Variants in WWC1 observed in about 807,000 individuals in gnomAD.
WWC1 encodes the protein WW and C2 domain containing 1, also known as protein KIBRA.
Under a neutral mutation model 138.4 loss-of-function variants are expected in WWC1, and 55 were observed. That is an observed-to-expected ratio of 0.40 (90% confidence interval 0.32 to 0.50). The LOEUF (loss-of-function observed/expected upper bound fraction) is 0.50, where lower values mean the gene tolerates loss of function less well. Ranked by LOEUF, WWC1 falls within the 20% of genes least tolerant of loss-of-function variation. The probability of loss-of-function intolerance (pLI) is 0.72; values close to 1 mark genes in which losing one functional copy is unlikely to be tolerated. For synonymous variants in WWC1, 524 were observed against 564.9 expected, an observed-to-expected ratio of 0.93 and a Z score of 1.03; for missense variants, 1,226 against 1,420.4, an observed-to-expected ratio of 0.86 and a Z score of 2.20.
chr5:168,332,615 G>A lies in WWC1; in HGVS notation c.120-38809G>A, dbSNP rs1449319700. ...GCACACTGGAAATATTAACTTCCCTGTAACTTAAGGGTTTGCATAGTAGGT... is the reference window on the plus strand; with the variant it reads ...GCACACTGGAAATATTAACTTCCCTATAACTTAAGGGTTTGCATAGTAGGT... On this transcript the variant is annotated intron_variant, in intron 1 of 22. Coordinates refer to ENST00000265293, the MANE Select transcript of WWC1 (RefSeq NM_015238.3). Among the ~76,000 whole-genome samples the A allele has an allele frequency of 9.2e-5, 14 of 152,182 alleles. 1 individual carries two copies. The highest frequency in any genetic ancestry group is 9.2e-4 in the Admixed American group (14 of 15,282).
intron 17 of WWC1, among the ~76,000 whole-genome samples, chr5:168,450,468 C>T (rs1233292535): frequency 1.3e-5 from 2 of 152,090 alleles, no homozygotes; most frequent in African/African-American, 4.8e-5. Context: ...GAGATCAAGA[C>T]CATCCTGGCC....
At chr5:168,352,087 C>T (rs1296438200) in intron 1 of WWC1, among the ~76,000 whole-genome samples, 1 of 152,186 alleles carries the variant, frequency 6.6e-6, no homozygotes, top group Non-Finnish European at 1.5e-5. Context: ...CGGTCAGGAG[C>T]ATCCAATGAG....
chr5:168,348,868 A>G (rs968422325), intron 1 of WWC1, among the ~76,000 whole-genome samples: 2 of 151,976 alleles, frequency 1.3e-5, no homozygotes, highest in Non-Finnish European at 2.9e-5. Context: ...TCTGATGGAA[A>G]AGTTCCTGAG....
At position 168,293,944 on chromosome 5, in the gene WWC1, T is replaced by C. The variant is rs77836382; in HGVS notation, c.119+1673T>C. ...TCGGGTCAGTTGCCAGCTCTGCTACTGTGTTGGTGAACTTGGCAGCACCTT... is the reference window on the plus strand; with the variant it reads ...TCGGGTCAGTTGCCAGCTCTGCTACCGTGTTGGTGAACTTGGCAGCACCTT... On this transcript the variant is annotated intron_variant, in intron 1 of 22. Coordinates refer to ENST00000265293, the MANE Select transcript of WWC1 (RefSeq NM_015238.3). Among the ~76,000 whole-genome samples, 287 of 152,332 alleles carry C rather than the reference T, an allele frequency of 1.9e-3. 3 individuals are homozygous for C. Among genetic ancestry groups the C allele is most frequent in the South Asian group, 9.7e-3 (47 of 4,828 alleles).
At chr5:168,385,166 G>C (rs1004272041) in intron 2 of WWC1, 45 bp from the exon 3 acceptor site, 4 of 1,606,602 alleles carry the variant, frequency 2.5e-6, no homozygotes, top group Middle Eastern at 1.7e-4. Flanking sequence ...CAGCCCAACA[G>C]ATATTTGTGA....
chr5:168,384,710 A>ATTT (rs1777904571), intron 2 of WWC1, among the ~76,000 whole-genome samples: 2 of 101,920 alleles, frequency 2.0e-5, no homozygotes, highest in African/African-American at 7.5e-5. Flanking sequence ...ATCCTGGTTT[A>ATTT]TTCTTTTTTT....
At chr5:168,359,494 G>T (rs1775720763) in intron 1 of WWC1, among the ~76,000 whole-genome samples, 1 of 152,122 alleles carries the variant, frequency 6.6e-6, no homozygotes, top group South Asian at 2.1e-4. Flanking sequence ...TTTACCTATT[G>T]ATGGACATAT....
intron 16 of WWC1, among the ~76,000 whole-genome samples, chr5:168,442,829 T>A (rs1754903791): frequency 7.0e-6 from 1 of 143,588 alleles, no homozygotes; most frequent in East Asian, 2.0e-4. Context: ...AGAGCAAGAC[T>A]CCATCTCAGA....
intron 1 of WWC1, among the ~76,000 whole-genome samples, chr5:168,339,837 T>TTTCTTTC (rs1561630184): frequency 1.7e-5 from 2 of 119,102 alleles, no homozygotes; most frequent in African/African-American, 9.5e-5. Flanking sequence ...TTTCTTTTTC[T>TTTCTTTC]TTTCTTTCTT....
chr5:168,454,231 G>C, intron 18 of WWC1, 131 bp downstream of exon 18: 2 of 1,378,824 alleles, frequency 1.5e-6, no homozygotes, highest in East Asian at 2.4e-5. Flanking sequence ...TCATAATGGA[G>C]TGGCCTTTGG....
At chr5:168,409,669 T>C (rs1780076441) in intron 7 of WWC1, among the ~76,000 whole-genome samples, 1 of 152,210 alleles carries the variant, frequency 6.6e-6, no homozygotes, top group Admixed American at 6.5e-5. Flanking sequence ...GGCTGCAAGA[T>C]GATATTCTGG....
At chr5:168,334,941 G>A (rs995890219) in intron 1 of WWC1, among the ~76,000 whole-genome samples, 2 of 152,148 alleles carry the variant, frequency 1.3e-5, no homozygotes, top group South Asian at 4.1e-4. Context: ...ATGTAAACTG[G>A]GCCCAGAGGC....
chr5:168,334,860 G>A (rs1773327605), intron 1 of WWC1, among the ~76,000 whole-genome samples: 1 of 152,244 alleles, frequency 6.6e-6, no homozygotes, highest in African/African-American at 2.4e-5. Context: ...CTGGAGCCCA[G>A]CTGAAGAAGC....
intron 21 of WWC1, among the ~76,000 whole-genome samples, chr5:168,465,575 T>TTTTTTTTG (rs1757212531): frequency 6.9e-6 from 1 of 144,786 alleles, no homozygotes; most frequent in Non-Finnish European, 1.5e-5. Context: ...TTTTTTTTTT[T>TTTTTTTTG]TGGAGATGGG....
intron 1 of WWC1, among the ~76,000 whole-genome samples, chr5:168,313,042 A>G (rs1161499993): frequency 1.3e-5 from 2 of 151,836 alleles, no homozygotes; most frequent in Non-Finnish European, 2.9e-5. Flanking sequence ...TCCTGACCTC[A>G]AGTGATTCAC....
intron 2 of WWC1, among the ~76,000 whole-genome samples, chr5:168,381,755 G>C (rs1252033548): frequency 1.4e-5 from 2 of 142,920 alleles, no homozygotes; most frequent in African/African-American, 5.2e-5. Flanking sequence ...TGGGGTTCAG[G>C]CTTTTTTTTT....
chr5:168,331,988 A>G (rs1035929907), intron 1 of WWC1, among the ~76,000 whole-genome samples: 3 of 152,014 alleles, frequency 2.0e-5, no homozygotes, highest in Non-Finnish European at 4.4e-5. Flanking sequence ...TCTACTAAAC[A>G]TACAAAAATT....
intron 1 of WWC1, among the ~76,000 whole-genome samples, chr5:168,363,453 A>G (rs1443692891): frequency 7.4e-6 from 1 of 134,404 alleles, no homozygotes; most frequent in Non-Finnish European, 1.5e-5. Context: ...GAACCCTGGG[A>G]GGTAGAGATT....
At chr5:168,451,678 C>G (rs1755827661) in intron 17 of WWC1, among the ~76,000 whole-genome samples, 1 of 152,036 alleles carries the variant, frequency 6.6e-6, no homozygotes, top group Admixed American at 6.6e-5. Flanking sequence ...GCACTCCAGC[C>G]TTAGCCTTGG....
Sources: allele counts gnomAD v4.1 joint callset (sites outside exome capture counted in the v4.1 genomes callset), GRCh38; gene constraint gnomAD v4.1.1; transcripts MANE v1.5; gene names NCBI Gene and HGNC (gene_info 2026-07-23, HGNC 2026-07-21).